Variants in CCSER1 observed in about 807,000 individuals in gnomAD.
The protein encoded by CCSER1 is coiled-coil serine rich protein 1.
A neutral mutation model predicts 82.0 loss-of-function variants in CCSER1; 41 were observed. That is an observed-to-expected ratio of 0.50 (90% CI 0.39 to 0.65). The LOEUF (loss-of-function observed/expected upper bound fraction) is 0.65. Among genes scored for constraint, CCSER1 ranks in the 30% least tolerant of loss-of-function variants. The pLI is 0.00. For synonymous variants in CCSER1, 414 were observed against 383.9 expected, an observed-to-expected ratio of 1.08 and a Z score of -0.92; for missense variants, 1,119 against 1,064.2, an observed-to-expected ratio of 1.05 and a Z score of -0.72.
At chr4:91,523,675 G>T (rs549271385) in intron 10 of CCSER1, among the ~76,000 whole-genome samples, 6 of 152,108 alleles carry the variant, frequency 3.9e-5, no homozygotes, top group African/African-American at 1.2e-4. Flanking sequence ...GGTGTTTCTG[G>T]TATTCTCTGA....
At chr4:90,915,015 A>G (rs187855901) in intron 8 of CCSER1, among the ~76,000 whole-genome samples, 46 of 152,326 alleles carry the variant, frequency 3.0e-4, no homozygotes, top group Admixed American at 2.7e-3. Flanking sequence ...AAATTGAGGC[A>G]ATAATTAATA....
chr4:90,729,989 G>A (rs1034358168), intron 7 of CCSER1, among the ~76,000 whole-genome samples: 22 of 152,092 alleles, frequency 1.4e-4, no homozygotes, highest in Non-Finnish European at 2.5e-4. Context: ...CCACAGTAAC[G>A]TAACCTGGTA....
At chr4:90,937,480 A>AACAC (rs148799317) in intron 9 of CCSER1, among the ~76,000 whole-genome samples, 3,951 of 145,966 alleles carry the variant, frequency 0.027, 72 homozygotes, top group Middle Eastern at 0.067. Flanking sequence ...TCTAATTTGA[A>AACAC]ACACACACAC....
At position 90,597,434 on chromosome 4, in the gene CCSER1, T is replaced by A. The variant is rs560448472; in HGVS notation, c.1725-30591T>A. 7.2e-5 allele frequency among the ~76,000 whole-genome samples: 11 copies of A among 152,168 alleles called. No homozygotes were observed. The South Asian group carries it at 2.1e-3, about 29-fold the overall frequency. ...GATTGGCATACAATAAACTGCATGT[T>A]TTTAAAATATACTATTTAAGTTTTG... On this transcript the variant is annotated intron_variant, in intron 5 of 10. Transcript: ENST00000509176.
intron 6 of CCSER1, among the ~76,000 whole-genome samples, chr4:90,694,898 A>T (rs550248968): frequency 6.6e-6 from 1 of 151,864 alleles, no homozygotes; most frequent in South Asian, 2.1e-4. Context: ...TTTACAGAGA[A>T]GAAAAGACGT....
At chr4:91,469,783 G>A (rs1234478085) in intron 10 of CCSER1, among the ~76,000 whole-genome samples, 2 of 152,106 alleles carry the variant, frequency 1.3e-5, no homozygotes, top group Non-Finnish European at 2.9e-5. Flanking sequence ...CATTAAAAGA[G>A]GAAATAAGAC....
chr4:91,153,509 C>T (rs2148959041), intron 10 of CCSER1, among the ~76,000 whole-genome samples: 1 of 152,144 alleles, frequency 6.6e-6, no homozygotes, highest in East Asian at 1.9e-4. Flanking sequence ...AAGCCTTCTT[C>T]TCTCAACTTG....
intron 3 of CCSER1, among the ~76,000 whole-genome samples, chr4:90,351,602 A>G (rs7695023): frequency 6.6e-6 from 1 of 152,010 alleles, no homozygotes; most frequent in Non-Finnish European, 1.5e-5. Context: ...GTTCAACAAT[A>G]GTGTAAAAAA....
At chr4:90,686,587 T>C (rs1209260590) in intron 6 of CCSER1, among the ~76,000 whole-genome samples, 1 of 152,108 alleles carries the variant, frequency 6.6e-6, no homozygotes, top group Non-Finnish European at 1.5e-5. Context: ...TTGTATTTTA[T>C]TCTTTCTCTG....
chr4:90,975,849 CATT>C lies in CCSER1; in HGVS notation c.2172+52405_2172+52407del, dbSNP rs1212401644. 4.0e-5 allele frequency among the ~76,000 whole-genome samples: 6 copies of C among 150,976 alleles called. No homozygotes were observed. In the East Asian group the frequency reaches 5.8e-4, roughly 15 times the overall value. On this transcript the variant is annotated intron_variant, in intron 9 of 10. Coordinates refer to ENST00000509176, the MANE Select transcript of CCSER1 (RefSeq NM_001145065.2). ...CCCATTTTTTCTAATACAAAATACT[CATT>C]ATATTAATTATTATAAATTAGAATG...
chr4:90,666,406 A>C (rs1160375667), intron 6 of CCSER1, among the ~76,000 whole-genome samples: 2 of 152,234 alleles, frequency 1.3e-5, no homozygotes, highest in African/African-American at 4.8e-5. Flanking sequence ...TGAAGAGGTC[A>C]GTGAACTGAG....
chr4:90,569,364 G>T lies in CCSER1; in HGVS notation c.1725-58661G>T, dbSNP rs571667906. Among the ~76,000 whole-genome samples, 332 of 152,260 alleles carry T rather than the reference G, an allele frequency of 2.2e-3. 3 individuals carry two copies. The highest frequency in any genetic ancestry group is 2.7e-3 in the Non-Finnish European group (186 of 68,034). ...ACTGATTGGCAAAAATTTTAAAGCT[G>T]ACAATACTGGAAGAGAACCTTTGAT... On this transcript the variant is annotated intron_variant, in intron 5 of 10. Transcript: ENST00000509176.
chr4:90,829,221 A>G (rs1580677553), intron 8 of CCSER1, among the ~76,000 whole-genome samples: 1 of 152,274 alleles, frequency 6.6e-6, no homozygotes, highest in East Asian at 1.9e-4. Context: ...CTTTTCAAAA[A>G]TTTAGGAAGT....
At chr4:90,133,999 A>G (rs1723237873) in intron 1 of CCSER1, among the ~76,000 whole-genome samples, 1 of 152,072 alleles carries the variant, frequency 6.6e-6, no homozygotes, top group African/African-American at 2.4e-5. Context: ...TTTTGCAAAC[A>G]TAGGTATTTC....
In CCSER1 at chr4:91,599,310, G is replaced by A. The variant is rs1202077919; in HGVS notation, c.*253G>A. 5 of 364,182 alleles carry A rather than the reference G, an allele frequency of 1.4e-5. No individual in the cohort carries two copies. The East Asian group carries it at 2.1e-4, about 15-fold the overall frequency. 22.6% of individuals were successfully genotyped at this position (364,182 alleles called of 1,614,324 possible). A position where few individuals can be genotyped will look rare whatever the true frequency, so the allele number is the denominator to read the frequency against. ...TACTATATAGGTGTATAATAAATGG[G>A]ACCATCATGATCGTTTATATAGTCC... On this transcript the variant is annotated 3_prime_UTR_variant, in exon 11 of 11. Coordinates refer to ENST00000509176, the MANE Select transcript of CCSER1 (RefSeq NM_001145065.2).
At position 91,031,994 on chromosome 4, in the gene CCSER1, A is replaced by G. The variant is rs113110810; in HGVS notation, c.2173-53956A>G. Among the ~76,000 whole-genome samples the G allele has an allele frequency of 6.9e-3, 1,052 of 152,178 alleles. 11 individuals carry two copies. Among genetic ancestry groups the G allele is most frequent in the African/African-American group, 0.024 (993 of 41,538 alleles). Reference sequence around the variant, plus strand: ...AACAGTGATTACTTCTGAGTCATAAATATTTTAAAAGCTATTTTGTCACTT... The same window carrying G: ...AACAGTGATTACTTCTGAGTCATAAGTATTTTAAAAGCTATTTTGTCACTT... On this transcript the variant is annotated intron_variant, in intron 9 of 10. Coordinates refer to ENST00000509176, the MANE Select transcript of CCSER1 (RefSeq NM_001145065.2).
intron 9 of CCSER1, among the ~76,000 whole-genome samples, chr4:91,076,043 A>G (rs1721960713): frequency 6.6e-6 from 1 of 152,156 alleles, no homozygotes; most frequent in African/African-American, 2.4e-5. Context: ...AAGGCTTGGC[A>G]TCTCCCAGAT....
intron 8 of CCSER1, among the ~76,000 whole-genome samples, chr4:90,872,180 G>A (rs911844422): frequency 2.4e-4 from 36 of 151,668 alleles, no homozygotes; most frequent in African/African-American, 8.2e-4. Flanking sequence ...TTATTAATAA[G>A]TAATGATTTA....
chr4:90,818,288 T>C (rs1214901000), intron 8 of CCSER1, among the ~76,000 whole-genome samples: 2 of 151,304 alleles, frequency 1.3e-5, no homozygotes, highest in African/African-American at 2.4e-5. Context: ...TCTTTTTTTT[T>C]TTTTTTAAGA....
Sources: allele counts gnomAD v4.1 joint callset (sites outside exome capture counted in the v4.1 genomes callset), GRCh38; gene constraint gnomAD v4.1.1; transcripts MANE v1.5; gene names NCBI Gene and HGNC (gene_info 2026-07-23, HGNC 2026-07-21).